Variants in LRRC4C observed in about 807,000 individuals in gnomAD.
LRRC4C encodes leucine-rich repeat-containing protein 4C.
A neutral mutation model predicts 33.6 loss-of-function variants in LRRC4C; 5 were observed. The ratio of observed to expected loss-of-function variants is 0.15; its 90% CI spans 0.08 to 0.31. The LOEUF is 0.31. Ranked by LOEUF, LRRC4C falls within the 10% of genes least tolerant of loss-of-function variation. The pLI is 1.00. For synonymous variants in LRRC4C, 329 were observed against 302.0 expected, an observed-to-expected ratio of 1.09 and a Z score of -0.93; for missense variants, 560 against 796.7, an observed-to-expected ratio of 0.70 and a Z score of 3.58.
At chr11:40,822,978 G>T (rs1237146045) in intron 2 of LRRC4C, among the ~76,000 whole-genome samples, 1 of 151,572 alleles carries the variant, frequency 6.6e-6, no homozygotes, top group Non-Finnish European at 1.5e-5. Flanking sequence ...AAATCAGTTG[G>T]TTATAAATCT....
At chr11:41,030,161 A>G (rs2137805822) in intron 1 of LRRC4C, among the ~76,000 whole-genome samples, 1 of 152,080 alleles carries the variant, frequency 6.6e-6, no homozygotes, top group South Asian at 2.1e-4. Flanking sequence ...TTTGGCAATA[A>G]GTAACTGCTA....
intron 2 of LRRC4C, among the ~76,000 whole-genome samples, chr11:40,725,076 C>T (rs746319446): frequency 6.6e-6 from 1 of 152,184 alleles, no homozygotes; most frequent in Non-Finnish European, 1.5e-5. Context: ...AGGCTAATTT[C>T]CTAACCATAA....
intron 1 of LRRC4C, among the ~76,000 whole-genome samples, chr11:41,242,339 C>G (rs778786860): frequency 1.3e-5 from 2 of 152,088 alleles, no homozygotes; most frequent in Non-Finnish European, 2.9e-5. Context: ...GTTTTTTCCA[C>G]ATTTATTTCC....
At chr11:40,881,597 T>G (rs2136025641) in intron 2 of LRRC4C, among the ~76,000 whole-genome samples, 1 of 152,212 alleles carries the variant, frequency 6.6e-6, no homozygotes, top group East Asian at 1.9e-4. Context: ...GACCTTTATA[T>G]AATTACTTTC....
At chr11:41,167,402 G>A (rs1231292320) in intron 1 of LRRC4C, among the ~76,000 whole-genome samples, 1 of 152,106 alleles carries the variant, frequency 6.6e-6, no homozygotes, top group African/African-American at 2.4e-5. Flanking sequence ...AGAGAACATA[G>A]ACTGCCTCTG....
chr11:40,988,762 G>T (rs7951545), intron 1 of LRRC4C, among the ~76,000 whole-genome samples: 12,517 of 141,348 alleles, frequency 0.089, 597 homozygotes, highest in Non-Finnish European at 0.099. Context: ...GGTCGCCCAG[G>T]CTGGAGTGCA....
chr11:40,755,241 G>A (rs573694390), intron 2 of LRRC4C, among the ~76,000 whole-genome samples: 170 of 152,162 alleles, frequency 1.1e-3, no homozygotes, highest in African/African-American at 3.4e-3. Flanking sequence ...TATTTTAAAA[G>A]ATTTCAGTTA....
At chr11:40,673,284 G>T (rs898930346) in intron 2 of LRRC4C, among the ~76,000 whole-genome samples, 3 of 152,088 alleles carry the variant, frequency 2.0e-5, no homozygotes, top group Non-Finnish European at 4.4e-5. Context: ...ATTACCTGCT[G>T]CTTTTTGCTT....
Position 40,116,202 on chromosome 11 carries a change from G to T in LRRC4C, c.91C>A (p.Leu31Met). Residue 31 changes from leucine (L) to methionine (M), a missense_variant, in exon 7 of 7, where the codon CTG becomes ATG. By Grantham distance (15) the Leu-to-Met change is conservative. Coordinates refer to ENST00000528697, the MANE Select transcript of LRRC4C (RefSeq NM_001258419.2). Reference sequence around the variant, plus strand: ...GCCACCACAAGAAGTTGAAGAGCCAGCAGCACCACAAGCAGGGGGTCAAAT... The same window carrying T: ...GCCACCACAAGAAGTTGAAGAGCCATCAGCACCACAAGCAGGGGGTCAAAT... ...ALFDPLLVVLLALQLLVVAGL... is the reference protein window; with the variant it reads ...ALFDPLLVVLMALQLLVVAGL... 2 of 1,614,006 alleles carry T rather than the reference G, an allele frequency of 1.2e-6. No individual in the cohort carries two copies. Among genetic ancestry groups the T allele is most frequent in the African/African-American group, 1.3e-5 (1 of 75,018 alleles).
chr11:41,005,184 G>A (rs983143695), intron 1 of LRRC4C, among the ~76,000 whole-genome samples: 1 of 152,154 alleles, frequency 6.6e-6, no homozygotes, highest in South Asian at 2.1e-4. Flanking sequence ...CAAATCTCAT[G>A]TTGAAATGTA....
intron 4 of LRRC4C, among the ~76,000 whole-genome samples, chr11:40,317,853 C>T (rs1444757756): frequency 6.6e-6 from 1 of 152,228 alleles, no homozygotes; most frequent in East Asian, 1.9e-4. Context: ...CCAGGTTCCT[C>T]TTTTAGAGAG....
chr11:40,837,919 T>C (rs1186806651), intron 2 of LRRC4C, among the ~76,000 whole-genome samples: 1 of 152,012 alleles, frequency 6.6e-6, no homozygotes, highest in Non-Finnish European at 1.5e-5. Context: ...CCCTCACATG[T>C]ATACAGCTGT....
chr11:41,402,574 T>A (rs1954065513), intron 1 of LRRC4C, among the ~76,000 whole-genome samples: 1 of 152,072 alleles, frequency 6.6e-6, no homozygotes, highest in African/African-American at 2.4e-5. Flanking sequence ...AAATACATTT[T>A]ATTATGTAAA....
intron 3 of LRRC4C, among the ~76,000 whole-genome samples, chr11:40,481,427 A>C (rs943256599): frequency 1.3e-5 from 2 of 152,170 alleles, no homozygotes; most frequent in African/African-American, 4.8e-5. Context: ...ACACTATTTC[A>C]GTGCTTAACA....
intron 1 of LRRC4C, among the ~76,000 whole-genome samples, chr11:40,949,468 A>G (rs944020581): frequency 6.6e-6 from 1 of 152,056 alleles, no homozygotes; most frequent in African/African-American, 2.4e-5. Context: ...GCCAGAGAGA[A>G]AGGTCAGGTT....
intron 5 of LRRC4C, among the ~76,000 whole-genome samples, chr11:40,198,356 C>T (rs1227960113): frequency 3.9e-5 from 6 of 152,170 alleles, no homozygotes; most frequent in Non-Finnish European, 1.5e-5. Context: ...CACAATTCCA[C>T]TACACACTTG....
intron 1 of LRRC4C, among the ~76,000 whole-genome samples, chr11:40,965,644 G>T (rs1232094584): frequency 6.6e-6 from 1 of 152,074 alleles, no homozygotes; most frequent in Non-Finnish European, 1.5e-5. Context: ...CCCATTGCTT[G>T]TTTTTGTCAG....
chr11:40,549,349 C>A (rs559014994), intron 3 of LRRC4C, among the ~76,000 whole-genome samples: 1 of 152,074 alleles, frequency 6.6e-6, no homozygotes, highest in African/African-American at 2.4e-5. Context: ...CAACCAGGAG[C>A]GCAGACAGAG....
intron 2 of LRRC4C, among the ~76,000 whole-genome samples, chr11:40,648,521 G>C (rs1215716903): frequency 7.4e-6 from 1 of 134,880 alleles, no homozygotes; most frequent in Non-Finnish European, 1.7e-5. Flanking sequence ...CCAGGTGACT[G>C]GTAAAGGCTA....
Sources: allele counts gnomAD v4.1 joint callset (sites outside exome capture counted in the v4.1 genomes callset), GRCh38; gene constraint gnomAD v4.1.1; transcripts MANE v1.5; gene names NCBI Gene and HGNC (gene_info 2026-07-23, HGNC 2026-07-21).